CDH13: variants seen among roughly 807,000 people sequenced by gnomAD.
CDH13 encodes the protein cadherin 13.
A neutral mutation model predicts 63.8 loss-of-function variants in CDH13; 24 were observed. The observed-to-expected ratio is 0.38, with a 90% CI of 0.27 to 0.53. The LOEUF (loss-of-function observed/expected upper bound fraction) is 0.53. Ranked by LOEUF, CDH13 falls within the 20% of genes least tolerant of loss-of-function variation. The pLI is 0.85. For missense variants in CDH13, 1,049 were observed against 903.1 expected (o/e 1.16, Z -2.07); for synonymous variants, 503 against 355.3 (o/e 1.42, Z -4.67).
intron 4 of CDH13, among the ~76,000 whole-genome samples, chr16:83,170,528 A>G (rs1029391175): frequency 6.6e-6 from 1 of 152,100 alleles, no homozygotes; most frequent in Non-Finnish European, 1.5e-5. Context: ...CCACTCTATC[A>G]GCCTTTGAGA....
intron 7 of CDH13, among the ~76,000 whole-genome samples, chr16:83,567,937 G>T (rs143847889): frequency 1.3e-3 from 194 of 152,282 alleles, no homozygotes; most frequent in African/African-American, 4.5e-3. Context: ...GCCTCTAACT[G>T]CAACCAAAGC....
At chr16:82,720,343 C>T (rs1427733802) in intron 1 of CDH13, among the ~76,000 whole-genome samples, 1 of 152,128 alleles carries the variant, frequency 6.6e-6, no homozygotes, top group East Asian at 1.9e-4. Flanking sequence ...GATTATTATA[C>T]ACAGTACTTC....
At chr16:83,548,216 A>C (rs1354529580) in intron 7 of CDH13, among the ~76,000 whole-genome samples, 2 of 152,112 alleles carry the variant, frequency 1.3e-5, no homozygotes, top group African/African-American at 4.8e-5. Context: ...TTAGGAGGCA[A>C]ACTCAACAGG....
At chr16:83,242,775 C>T (rs1204113346) in intron 5 of CDH13, among the ~76,000 whole-genome samples, 1 of 152,180 alleles carries the variant, frequency 6.6e-6, no homozygotes, top group Non-Finnish European at 1.5e-5. Context: ...CTTCCAGATG[C>T]AGCAGGATGG....
chr16:83,219,267 C>T (rs981007908), intron 5 of CDH13, among the ~76,000 whole-genome samples: 2 of 152,060 alleles, frequency 1.3e-5, no homozygotes, highest in Non-Finnish European at 2.9e-5. Context: ...AATTGCTAAA[C>T]AGCTAATAAA....
chr16:82,759,246 C>G (rs1006337123), intron 1 of CDH13, among the ~76,000 whole-genome samples: 2 of 152,142 alleles, frequency 1.3e-5, no homozygotes, highest in Non-Finnish European at 2.9e-5. Flanking sequence ...ATTTGTGTAT[C>G]TCCCTTCTCT....
chr16:83,727,668 A>T (rs1910568006), intron 10 of CDH13, among the ~76,000 whole-genome samples: 1 of 152,138 alleles, frequency 6.6e-6, no homozygotes, highest in Non-Finnish European at 1.5e-5. Flanking sequence ...AAGCCCTAAA[A>T]AATAAAATTG....
At chr16:83,136,521 C>T (rs1409637807) in intron 4 of CDH13, among the ~76,000 whole-genome samples, 1 of 150,298 alleles carries the variant, frequency 6.7e-6, no homozygotes, top group Non-Finnish European at 1.5e-5. Context: ...ATAGACTTCA[C>T]TAGAGGAAGG....
intron 1 of CDH13, among the ~76,000 whole-genome samples, chr16:82,692,403 G>A (rs1287532129): frequency 1.3e-5 from 2 of 152,206 alleles, no homozygotes; most frequent in Admixed American, 6.5e-5. Context: ...CATGGTGGAA[G>A]GCGAAAGAGG....
rs965947246 is a variant in CDH13, at chr16:83,738,763, G to A, written c.1539-9345G>A. ...ACTACTAAACATACAAAAATTAGCC[G>A]GGCATGGTTGCACATGCCTGTAATC... On this transcript the variant is annotated intron_variant, in intron 10 of 13. Transcript: ENST00000567109. Among the ~76,000 whole-genome samples, 18 of 152,186 alleles carry A rather than the reference G, an allele frequency of 1.2e-4. No homozygotes were observed. In the East Asian group the frequency reaches 2.3e-3, roughly 20 times the overall value.
intron 2 of CDH13, among the ~76,000 whole-genome samples, chr16:83,019,362 G>A (rs945360525): frequency 2.6e-5 from 4 of 151,962 alleles, no homozygotes; most frequent in Non-Finnish European, 4.4e-5. Context: ...ACTGTATTCT[G>A]CCTCCACATT....
At chr16:83,087,671 C>CAAAAAAA (rs67228844) in intron 3 of CDH13, among the ~76,000 whole-genome samples, 3 of 43,998 alleles carry the variant, frequency 6.8e-5, no homozygotes, top group African/African-American at 1.7e-4. Context: ...CCCTCCGTCT[C>CAAAAAAA]AAAAAAAAAA....
rs879095354 is a variant in CDH13, at chr16:83,118,862, C to T, written c.367-6523C>T. 5.9e-5 allele frequency among the ~76,000 whole-genome samples: 9 copies of T among 152,208 alleles called. 1 individual carries two copies. The highest frequency in any genetic ancestry group is 5.9e-4 in the Admixed American group (9 of 15,278). ...CTCACACCTCCTGTGGGCATCTCCT[C>T]TGCTCTCTTGCATCTTCATTCATTC... On this transcript the variant is annotated intron_variant, in intron 3 of 13. Transcript: ENST00000567109.
At chr16:83,073,360 A>T (rs556148377) in intron 3 of CDH13, among the ~76,000 whole-genome samples, 5,472 of 116,210 alleles carry the variant, frequency 0.047, 346 homozygotes, top group African/African-American at 0.16. Context: ...TGTGTGAGAG[A>T]GAGAGAGAGA....
chr16:83,760,995 C>T (rs1022202091), intron 11 of CDH13, among the ~76,000 whole-genome samples: 3 of 152,202 alleles, frequency 2.0e-5, no homozygotes, highest in Admixed American at 6.5e-5. Flanking sequence ...CCCTGCAGTC[C>T]CTACCATGCT....
intron 6 of CDH13, among the ~76,000 whole-genome samples, chr16:83,463,465 G>C (rs972411999): frequency 6.6e-6 from 1 of 152,236 alleles, no homozygotes; most frequent in African/African-American, 2.4e-5. Context: ...AGAGGAAGAT[G>C]GCATACCACA....
intron 2 of CDH13, among the ~76,000 whole-genome samples, chr16:82,912,608 G>A (rs997010444): frequency 6.6e-6 from 1 of 152,196 alleles, no homozygotes; most frequent in African/African-American, 2.4e-5. Context: ...CCCTAGGGAG[G>A]AAGAAACAAC....
chr16:83,356,761 T>C (rs1161907173), intron 6 of CDH13, among the ~76,000 whole-genome samples: 3 of 152,218 alleles, frequency 2.0e-5, no homozygotes, highest in African/African-American at 4.8e-5. Flanking sequence ...CTTTCAAGTA[T>C]ATGTCTTATA....
chr16:83,491,352 C>T (rs186562989), intron 7 of CDH13, among the ~76,000 whole-genome samples: 2 of 152,118 alleles, frequency 1.3e-5, no homozygotes, highest in Admixed American at 1.3e-4. Flanking sequence ...TTTTCTATAG[C>T]CATACTTAGC....
Sources: allele counts gnomAD v4.1 joint callset (sites outside exome capture counted in the v4.1 genomes callset), GRCh38; gene constraint gnomAD v4.1.1; transcripts MANE v1.5; gene names NCBI Gene and HGNC (gene_info 2026-07-23, HGNC 2026-07-21).